Variants in CCDC178 observed in about 807,000 individuals in gnomAD.
CCDC178 encodes coiled-coil domain containing 178.
In CCDC178, 126 loss-of-function variants were observed where a neutral mutation model predicts 117.4. That is an observed-to-expected ratio of 1.07 (90% CI 0.93 to 1.24). The LOEUF (loss-of-function observed/expected upper bound fraction) is 1.24. Ranked by LOEUF, CCDC178 falls within the 50% of genes most tolerant of loss-of-function variation. The pLI is 0.00. For synonymous variants in CCDC178, 283 were observed against 313.4 expected (o/e 0.90, Z 1.02); for missense variants, 1,030 against 986.9 (o/e 1.04, Z -0.59).
chr18:33,198,288 CT>C (rs1409401106), intron 20 of CCDC178, among the ~76,000 whole-genome samples: 1 of 152,192 alleles, frequency 6.6e-6, no homozygotes, highest in Non-Finnish European at 1.5e-5. Flanking sequence ...CTCTATCTAT[CT>C]CCCTATCTCT....
In CCDC178 at chr18:33,107,400, T is replaced by A. The variant is rs143475514; in HGVS notation, c.2239-14490A>T. Among the ~76,000 whole-genome samples, 211 of 151,656 alleles carry A rather than the reference T, an allele frequency of 1.4e-3. 1 individual carries two copies. Among genetic ancestry groups the A allele is most frequent in the African/African-American group, 4.8e-3 (201 of 41,450 alleles). ...CAGTATGTCAAGTGACTTTAGAGAG[T>A]CTGGACCATAATCCGGAAAGACACA... On this transcript the variant is annotated intron_variant, in intron 20 of 22. Coordinates refer to ENST00000383096, the MANE Select transcript of CCDC178 (RefSeq NM_001105528.4).
At chr18:33,267,445 C>T in intron 12 of CCDC178, 148 bp from the exon 13 acceptor site, 1 of 504,778 alleles carries the variant, frequency 2.0e-6, no homozygotes, top group East Asian at 3.2e-5. Context: ...CATAATTCAT[C>T]ACATCAACAA....
At chr18:33,020,783 CTAAT>C (rs142158399) in intron 21 of CCDC178, among the ~76,000 whole-genome samples, 3,154 of 151,892 alleles carry the variant, frequency 0.021, 47 homozygotes, top group African/African-American at 0.047. Context: ...TTCTGATTTC[CTAAT>C]TAAAACATGT....
At chr18:33,022,599 A>C (rs1161985231) in intron 21 of CCDC178, among the ~76,000 whole-genome samples, 1 of 152,186 alleles carries the variant, frequency 6.6e-6, no homozygotes, top group Non-Finnish European at 1.5e-5. Flanking sequence ...CTACAATACA[A>C]TATAGAAAAA....
intron 20 of CCDC178, among the ~76,000 whole-genome samples, chr18:33,142,204 C>A (rs962962466): frequency 6.6e-6 from 1 of 152,098 alleles, no homozygotes; most frequent in Non-Finnish European, 1.5e-5. Context: ...TTAGTGGTCA[C>A]AACTAGAGGG....
At chr18:33,253,589 A>G (rs975548435) in intron 14 of CCDC178, among the ~76,000 whole-genome samples, 22 of 151,960 alleles carry the variant, frequency 1.4e-4, no homozygotes, top group African/African-American at 5.3e-4. Flanking sequence ...TAAGAAGAAC[A>G]GAGCTTTCTG....
chr18:33,039,063 C>CA (rs2056498048), intron 21 of CCDC178, among the ~76,000 whole-genome samples: 1 of 151,688 alleles, frequency 6.6e-6, no homozygotes, highest in East Asian at 1.9e-4. Flanking sequence ...TTCCCAACAA[C>CA]AAAAATGACC....
chr18:33,417,362 T>A (rs1389636892), intron 2 of CCDC178, among the ~76,000 whole-genome samples: 1 of 152,180 alleles, frequency 6.6e-6, no homozygotes, highest in Non-Finnish European at 1.5e-5. Context: ...ATTGCATGAT[T>A]CCATTTATAT....
intron 5 of CCDC178, among the ~76,000 whole-genome samples, chr18:33,387,908 A>G (rs2063516831): frequency 1.3e-5 from 2 of 152,362 alleles, no homozygotes; most frequent in Non-Finnish European, 2.9e-5. Flanking sequence ...AGAAAGTATC[A>G]TCAGAGTGAA....
rs115801692 is a variant in CCDC178, at chr18:33,054,824, G to C, written c.2388+37937C>G. The stretch of plus-strand genomic sequence containing the variant: ...GCTGGATCAAACGGTATTTCTACCT[G>C]TAGGTCTTTGAGGAATTGCCACACT... On this transcript the variant is annotated intron_variant, in intron 21 of 22. Coordinates refer to ENST00000383096, the MANE Select transcript of CCDC178 (RefSeq NM_001105528.4). Among the ~76,000 whole-genome samples, 998 of 152,292 alleles carry C rather than the reference G, an allele frequency of 6.6e-3. 13 individuals are homozygous for C. The highest frequency in any genetic ancestry group is 0.022 in the African/African-American group (925 of 41,560).
intron 20 of CCDC178, among the ~76,000 whole-genome samples, chr18:33,150,262 A>G (rs952430731): frequency 1.3e-5 from 2 of 152,212 alleles, no homozygotes; most frequent in African/African-American, 4.8e-5. Flanking sequence ...ATTTAAATCT[A>G]AGACTTAAAA....
At chr18:33,394,579 C>A (rs148961130) in intron 4 of CCDC178, among the ~76,000 whole-genome samples, 1 of 151,738 alleles carries the variant, frequency 6.6e-6, no homozygotes, top group African/African-American at 2.4e-5. Context: ...CTTATTAGAG[C>A]TTTCAAAGTG....
intron 21 of CCDC178, among the ~76,000 whole-genome samples, chr18:33,055,870 T>C (rs1346288227): frequency 1.3e-5 from 2 of 151,756 alleles, no homozygotes; most frequent in African/African-American, 2.4e-5. Context: ...AGTGGCACCA[T>C]GTTGGCTCCC....
intron 4 of CCDC178, 120 bp from the exon 5 acceptor site, chr18:33,389,749 T>A: frequency 2.4e-6 from 1 of 410,928 alleles, no homozygotes; most frequent in Non-Finnish European, 4.4e-6. Context: ...GAAAAACAAC[T>A]ATGATACAAA....
intron 21 of CCDC178, among the ~76,000 whole-genome samples, chr18:33,073,524 T>G (rs1308471151): frequency 4.1e-5 from 6 of 148,096 alleles, no homozygotes; most frequent in Non-Finnish European, 8.9e-5. Context: ...TCTATCTATC[T>G]ATCTATCTAT....
At chr18:33,120,708 T>C (rs1236144464) in intron 20 of CCDC178, among the ~76,000 whole-genome samples, 1 of 152,158 alleles carries the variant, frequency 6.6e-6, no homozygotes, top group Non-Finnish European at 1.5e-5. Flanking sequence ...AATAGTTACA[T>C]GGATTTCTTT....
At chr18:33,296,921 G>A (rs2062112814) in intron 11 of CCDC178, among the ~76,000 whole-genome samples, 1 of 152,078 alleles carries the variant, frequency 6.6e-6, no homozygotes, top group South Asian at 2.1e-4. Flanking sequence ...CTACTCGGGA[G>A]GCTGAAACCA....
rs535987955 is a variant in CCDC178, at chr18:33,074,747, C to T, written c.2388+18014G>A. ...TTGAGCAAGATGAGACCAGATACAC[C>T]CTATGGGGTTTGACATCATGGAGGC... On this transcript the variant is annotated intron_variant, in intron 21 of 22. Coordinates refer to ENST00000383096, the MANE Select transcript of CCDC178 (RefSeq NM_001105528.4). 3.3e-5 allele frequency among the ~76,000 whole-genome samples: 5 copies of T among 152,142 alleles called. No homozygotes were observed. The South Asian group carries it at 1.0e-3, about 32-fold the overall frequency.
chr18:33,351,535 T>C (rs1312145923), intron 7 of CCDC178, among the ~76,000 whole-genome samples: 4 of 151,792 alleles, frequency 2.6e-5, no homozygotes, highest in East Asian at 1.9e-4. Context: ...GTTGATAGTA[T>C]TTTGTTGAGG....
Sources: gnomAD v4.1 joint callset for allele counts (sites outside exome capture counted in the v4.1 genomes callset) on GRCh38, gnomAD v4.1.1 for gene constraint, MANE v1.5 for transcripts, NCBI Gene and HGNC (gene_info 2026-07-23, HGNC 2026-07-21) for gene names.